Variants in ARHGAP24 observed in about 807,000 individuals in gnomAD.
ARHGAP24 encodes Rho GTPase activating protein 24.
Under a neutral mutation model 76.4 loss-of-function variants are expected in ARHGAP24, and 50 were observed. The ratio of observed to expected loss-of-function variants is 0.65; its 90% confidence interval spans 0.52 to 0.83. ARHGAP24 has a LOEUF of 0.83. Among genes scored for constraint, ARHGAP24 ranks in the 40% least tolerant of loss-of-function variants. The probability of loss-of-function intolerance (pLI) is 0.00; values close to 1 mark genes in which losing one functional copy is unlikely to be tolerated. For synonymous variants in ARHGAP24, 345 were observed against 323.3 expected (o/e 1.07, Z -0.72); for missense variants, 930 against 914.2 (o/e 1.02, Z -0.22).
At chr4:85,693,208 G>T (rs1219687985) in intron 2 of ARHGAP24, among the ~76,000 whole-genome samples, 2 of 152,182 alleles carry the variant, frequency 1.3e-5, no homozygotes, top group Admixed American at 6.5e-5. Flanking sequence ...GCAGTGCTGG[G>T]AGTAGAGAAG....
intron 3 of ARHGAP24, among the ~76,000 whole-genome samples, chr4:85,854,991 A>T (rs1025066948): frequency 3.9e-5 from 6 of 152,240 alleles, no homozygotes; most frequent in Non-Finnish European, 7.3e-5. Flanking sequence ...TTTTGTTCTT[A>T]TAGAAGTACC....
intron 3 of ARHGAP24, among the ~76,000 whole-genome samples, chr4:85,887,516 C>T (rs1332071724): frequency 6.6e-6 from 1 of 152,128 alleles, no homozygotes; most frequent in Non-Finnish European, 1.5e-5. Context: ...GATTGGGAGA[C>T]TGTCTCCAGA....
At chr4:85,911,642 G>A (rs1273665798) in intron 3 of ARHGAP24, among the ~76,000 whole-genome samples, 1 of 152,144 alleles carries the variant, frequency 6.6e-6, no homozygotes, top group African/African-American at 2.4e-5. Flanking sequence ...GGAAGTCATT[G>A]AAGACTATTT....
chr4:85,550,334 T>C (rs919799221), intron 1 of ARHGAP24, among the ~76,000 whole-genome samples: 19 of 152,222 alleles, frequency 1.2e-4, no homozygotes, highest in Admixed American at 3.3e-4. Context: ...TTTGTCAACT[T>C]TCTTGAAGAT....
chr4:85,953,791 T>C (rs1737756020), intron 5 of ARHGAP24, among the ~76,000 whole-genome samples: 1 of 152,150 alleles, frequency 6.6e-6, no homozygotes, highest in Non-Finnish European at 1.5e-5. Context: ...GCAATTATTA[T>C]AAGCATAAAG....
At chr4:85,900,800 G>A (rs1316815349) in intron 3 of ARHGAP24, among the ~76,000 whole-genome samples, 2 of 152,156 alleles carry the variant, frequency 1.3e-5, no homozygotes, top group Non-Finnish European at 1.5e-5. Context: ...GGGCTTCCAG[G>A]GCTGGTGGTT....
chr4:85,919,807 C>T (rs937669181), intron 3 of ARHGAP24, among the ~76,000 whole-genome samples: 7 of 152,162 alleles, frequency 4.6e-5, no homozygotes, highest in Non-Finnish European at 7.4e-5. Context: ...TGCTAAGCAT[C>T]CTTCAGGCAA....
intron 2 of ARHGAP24, among the ~76,000 whole-genome samples, chr4:85,603,286 C>T (rs759313096): frequency 5.7e-4 from 87 of 152,250 alleles, no homozygotes; most frequent in African/African-American, 2.0e-3. Flanking sequence ...AGGTGGTTGA[C>T]CACCTTGAAA....
intron 2 of ARHGAP24, among the ~76,000 whole-genome samples, chr4:85,641,339 T>C (rs909113116): frequency 1.3e-5 from 2 of 152,216 alleles, no homozygotes; most frequent in South Asian, 2.1e-4. Context: ...TATTCCATAT[T>C]AGTTTGCTAA....
intron 3 of ARHGAP24, among the ~76,000 whole-genome samples, chr4:85,820,226 A>T (rs1187586499): frequency 1.3e-5 from 2 of 152,228 alleles, no homozygotes; most frequent in Non-Finnish European, 2.9e-5. Flanking sequence ...ATGGATATGG[A>T]ATCAACCTAA....
At position 85,923,601 on chromosome 4, in the gene ARHGAP24, G is replaced by A. The variant is rs765671309; in HGVS notation, c.269-47G>A. 9 of 1,612,016 alleles carry A rather than the reference G, an allele frequency of 5.6e-6. No homozygotes were observed. The South Asian group carries it at 8.8e-5, about 16-fold the overall frequency. On this transcript the variant is annotated intron_variant, in intron 3 of 9. Coordinates refer to ENST00000395184, the MANE Select transcript of ARHGAP24 (RefSeq NM_001025616.3). ...GGTTCTTCTGGAGGCTGATCATGAG[G>A]AATCTCTGGATGCAACTTCAGCTGC... is the stretch of plus-strand genomic sequence containing the variant.
chr4:85,849,463 G>A lies in ARHGAP24; in HGVS notation c.269-74185G>A, dbSNP rs1433770551. On this transcript the variant is annotated intron_variant, in intron 3 of 9. Transcript: ENST00000395184. ...TTTCTTTATCTTGCCTGATTGCCCT[G>A]GCCAGAACTTCCAACACTATTTTGA... Among the ~76,000 whole-genome samples, 19 of 152,184 alleles carry A rather than the reference G, an allele frequency of 1.2e-4. 2 individuals carry two copies. The Middle Eastern group carries it at 0.044, about 354-fold the overall frequency.
chr4:85,538,224 A>G (rs1725546765), intron 1 of ARHGAP24, among the ~76,000 whole-genome samples: 1 of 152,200 alleles, frequency 6.6e-6, no homozygotes, highest in South Asian at 2.1e-4. Context: ...CAACAGTTTT[A>G]ATATCAGGGC....
At chr4:85,909,502 T>C (rs1177780571) in intron 3 of ARHGAP24, among the ~76,000 whole-genome samples, 4 of 152,254 alleles carry the variant, frequency 2.6e-5, no homozygotes, top group African/African-American at 9.6e-5. Flanking sequence ...AATATGCCTG[T>C]TGAATTGTCA....
chr4:85,797,993 C>G (rs73833882), intron 3 of ARHGAP24, among the ~76,000 whole-genome samples: 3,422 of 152,194 alleles, frequency 0.022, 130 homozygotes, highest in African/African-American at 0.078. Context: ...TTTTTAAAAT[C>G]ATTTTACAAG....
rs113363993 is a variant in ARHGAP24, at chr4:85,675,571, G to A, written c.181-46314G>A. Among the ~76,000 whole-genome samples, 561 of 152,266 alleles carry A rather than the reference G, an allele frequency of 3.7e-3. 2 individuals carry two copies. Among genetic ancestry groups the A allele is most frequent in the Admixed American group, 8.2e-3 (125 of 15,296 alleles). On this transcript the variant is annotated intron_variant, in intron 2 of 9. Transcript: ENST00000395184. Reference sequence around the variant, plus strand: ...ATAACCTTCTAACAAAAGATTTCCCGTAACATTTAAAGTTGGTGAGATCCG... The same window carrying A: ...ATAACCTTCTAACAAAAGATTTCCCATAACATTTAAAGTTGGTGAGATCCG...
At chr4:85,731,033 G>C (rs956734360) in intron 3 of ARHGAP24, among the ~76,000 whole-genome samples, 2 of 150,376 alleles carry the variant, frequency 1.3e-5, no homozygotes, top group African/African-American at 4.9e-5. Context: ...CACACAGAGA[G>C]AGAGACTGGG....
At chr4:85,495,708 A>C (rs1230160450) in intron 1 of ARHGAP24, among the ~76,000 whole-genome samples, 2 of 152,062 alleles carry the variant, frequency 1.3e-5, no homozygotes, top group South Asian at 4.1e-4. Flanking sequence ...GAGATTGACT[A>C]CTAGTAGTGT....
intron 3 of ARHGAP24, among the ~76,000 whole-genome samples, chr4:85,851,334 A>G (rs4420970): frequency 0.48 from 72,358 of 151,952 alleles, 18,737 homozygotes; most frequent in East Asian, 0.86. Context: ...TTTTGAGCCC[A>G]TGTGTGTGTC....
Sources: gnomAD v4.1 joint callset for allele counts (sites outside exome capture counted in the v4.1 genomes callset) on GRCh38, gnomAD v4.1.1 for gene constraint, MANE v1.5 for transcripts, NCBI Gene and HGNC (gene_info 2026-07-23, HGNC 2026-07-21) for gene names.